The following SV2C variants were observed in gnomAD, a reference collection of about 807,000 sequenced individuals.
The protein encoded by SV2C is synaptic vesicle glycoprotein 2C, also known as solute carrier family 22 member B3.
In SV2C, 49 loss-of-function variants were observed where a neutral mutation model predicts 79.7. That is an observed-to-expected ratio of 0.61 (90% confidence interval 0.49 to 0.78). The LOEUF (loss-of-function observed/expected upper bound fraction) is 0.78, where lower values mean the gene tolerates loss of function less well. Ranked by LOEUF, SV2C falls within the 30% of genes least tolerant of loss-of-function variation. SV2C has a pLI of 0.00. For missense variants in SV2C, 833 were observed against 912.9 expected (o/e 0.91, Z 1.13); for synonymous variants, 334 against 333.2 (o/e 1.00, Z -0.03).
In SV2C at chr5:76,120,285, T is replaced by C. The variant is rs1405454775; in HGVS notation, c.-101-11365T>C. Among the ~76,000 whole-genome samples the C allele has an allele frequency of 1.7e-4, 5 of 29,254 alleles. No individual in the cohort carries two copies. The African/African-American group carries it at 4.4e-3, about 26-fold the overall frequency. The allele number at this position is 29,254 out of a possible 152,430, so 19.2% of individuals were successfully genotyped here. ...GAGTGAAAAAGTCAAATAACATTTC[T>C]TTTTTTTTTCAGCTACGCATCAAAG... On this transcript the variant is annotated intron_variant, in intron 1 of 12. Coordinates refer to ENST00000502798, the MANE Select transcript of SV2C (RefSeq NM_014979.4).
chr5:76,011,979 T>C, the SV2C span, among the ~76,000 whole-genome samples: 1 of 152,256 alleles, frequency 6.6e-6, no homozygotes, highest in Non-Finnish European at 1.5e-5. Flanking sequence ...ATGGTGTATA[T>C]GTGCCACATT....
chr5:76,137,877 C>T (rs1003996899), intron 2 of SV2C, among the ~76,000 whole-genome samples: 1 of 152,124 alleles, frequency 6.6e-6, no homozygotes, highest in Non-Finnish European at 1.5e-5. Context: ...CATCCCTTTC[C>T]TCTTCTTCAT....
Position 76,301,501 on chromosome 5 carries a change from C to T in SV2C, c.1956C>T (p.Asn652=), listed in dbSNP as rs552535970. 34 of 1,614,032 alleles carry T rather than the reference C, an allele frequency of 2.1e-5. 1 individual carries two copies. The South Asian group carries it at 3.7e-4, about 18-fold the overall frequency. ...ATGGATTGACCATCTCAGCCTGGAACTCTCTTGACGTGGTCACTGTGGAAC... is the reference window on the plus strand; with the variant it reads ...ATGGATTGACCATCTCAGCCTGGAATTCTCTTGACGTGGTCACTGTGGAAC... ...LYNGLTISAW[N]SLDVVTVELY... The change falls in exon 12 of 13, where the codon AAC becomes AAT. Residue 652 remains asparagine (N), a synonymous_variant. Transcript: ENST00000502798.
In SV2C at chr5:76,326,088, C is replaced by T. The variant is rs1389755199; in HGVS notation, c.*541C>T. On this transcript the variant is annotated 3_prime_UTR_variant, in exon 13 of 13. Coordinates refer to ENST00000502798, the MANE Select transcript of SV2C (RefSeq NM_014979.4). Reference sequence around the variant, plus strand: ...TCAAAGAAAACCATGTGGCACCAAACAGGGCTGGGTGGGGCTCTTTGGGGC... The same window carrying T: ...TCAAAGAAAACCATGTGGCACCAAATAGGGCTGGGTGGGGCTCTTTGGGGC... 2 of 151,888 alleles carry T rather than the reference C, an allele frequency of 1.3e-5. No homozygotes were observed. The highest frequency in any genetic ancestry group is 4.9e-5 in the African/African-American group (2 of 41,210). The allele number at this position is 151,888 out of a possible 1,614,324, so 9.4% of individuals were successfully genotyped here. A position where few individuals can be genotyped will look rare whatever the true frequency, so the allele number is the denominator to read the frequency against.
At chr5:75,972,419 A>G in the SV2C span, among the ~76,000 whole-genome samples, 1 of 152,110 alleles carries the variant, frequency 6.6e-6, no homozygotes, top group Non-Finnish European at 1.5e-5. Flanking sequence ...CATTTTTGCA[A>G]CCTACTCATC....
At chr5:75,911,796 A>G in the SV2C span, 1 of 584,344 alleles carries the variant, frequency 1.7e-6, no homozygotes, top group Non-Finnish European at 3.4e-6. Context: ...AAGTCTCCAC[A>G]GTACCAGACA....
chr5:75,932,001 C>G, the SV2C span, among the ~76,000 whole-genome samples: 2 of 152,174 alleles, frequency 1.3e-5, no homozygotes, highest in African/African-American at 2.4e-5. Context: ...AGGCTCCATA[C>G]AGCAGCCATA....
intron 4 of SV2C, among the ~76,000 whole-genome samples, chr5:76,261,498 A>T (rs1746469459): frequency 6.6e-6 from 1 of 152,080 alleles, no homozygotes; most frequent in African/African-American, 2.4e-5. Context: ...GAGCGGTGAG[A>T]AAGGGCATCC....
At chr5:76,270,557 G>T (rs1746814058) in intron 4 of SV2C, among the ~76,000 whole-genome samples, 1 of 152,110 alleles carries the variant, frequency 6.6e-6, no homozygotes, top group Non-Finnish European at 1.5e-5. Context: ...CAAGTCTATG[G>T]GAAACTGTTT....
chr5:75,910,863 ATC>A, the SV2C span: 5 of 1,133,466 alleles, frequency 4.4e-6, no homozygotes, highest in Non-Finnish European at 6.7e-6. Context: ...CTGAACTGCA[ATC>A]TCTATGAGAT....
intron 4 of SV2C, among the ~76,000 whole-genome samples, chr5:76,219,336 C>T (rs966466983): frequency 6.6e-6 from 1 of 152,156 alleles, no homozygotes; most frequent in African/African-American, 2.4e-5. Context: ...AACGAAAGAA[C>T]CCTTGGCTTC....
chr5:76,045,316 C>T, the SV2C span, among the ~76,000 whole-genome samples: 1 of 152,124 alleles, frequency 6.6e-6, no homozygotes, highest in Non-Finnish European at 1.5e-5. Context: ...GTTACTGTAG[C>T]CTTGCAGTAT....
At chr5:75,962,489 A>G in the SV2C span, among the ~76,000 whole-genome samples, 4 of 152,176 alleles carry the variant, frequency 2.6e-5, no homozygotes, top group Non-Finnish European at 4.4e-5. Context: ...TTCAAGCACA[A>G]CCAGATTCAG....
At chr5:75,969,683 G>A in the SV2C span, among the ~76,000 whole-genome samples, 2 of 152,130 alleles carry the variant, frequency 1.3e-5, no homozygotes, top group African/African-American at 2.4e-5. Context: ...CAAGTCCTGA[G>A]TGACCTACAA....
At chr5:75,996,659 T>G in the SV2C span, among the ~76,000 whole-genome samples, 1 of 152,094 alleles carries the variant, frequency 6.6e-6, no homozygotes, top group Non-Finnish European at 1.5e-5. Context: ...TTTTATTTCC[T>G]TGAGCAGTGG....
At chr5:76,149,275 T>C (rs77596838) in intron 2 of SV2C, among the ~76,000 whole-genome samples, 7,640 of 152,240 alleles carry the variant, frequency 0.05, 572 homozygotes, top group East Asian at 0.33. Flanking sequence ...GCATTCCAAG[T>C]GATTCCTATT....
At chr5:75,967,326 A>G in the SV2C span, among the ~76,000 whole-genome samples, 1 of 152,206 alleles carries the variant, frequency 6.6e-6, no homozygotes, top group Non-Finnish European at 1.5e-5. Context: ...CAGTGGGTGC[A>G]GAACAGTGAG....
At chr5:76,028,472 G>A in the SV2C span, among the ~76,000 whole-genome samples, 4 of 152,176 alleles carry the variant, frequency 2.6e-5, no homozygotes, top group Non-Finnish European at 5.9e-5. Flanking sequence ...AAAATCATGT[G>A]AGAAGAGTAA....
chr5:75,971,996 G>A, the SV2C span, among the ~76,000 whole-genome samples: 6 of 152,066 alleles, frequency 3.9e-5, no homozygotes, highest in Non-Finnish European at 8.8e-5. Flanking sequence ...TAATGGAACA[G>A]AACAGAGCCC....
Sources: allele counts gnomAD v4.1 joint callset (sites outside exome capture counted in the v4.1 genomes callset), GRCh38; gene constraint gnomAD v4.1.1; transcripts MANE v1.5; gene names NCBI Gene and HGNC (gene_info 2026-07-23, HGNC 2026-07-21).